MYO16: variants seen among roughly 807,000 people sequenced by gnomAD.
MYO16 encodes unconventional myosin-XVI.
MYO16 carries 94 observed loss-of-function variants against 205.3 expected under a neutral mutation model. The ratio of observed to expected loss-of-function variants is 0.46; its 90% CI spans 0.39 to 0.54. The LOEUF is 0.54. Among genes scored for constraint, MYO16 ranks in the 20% least tolerant of loss-of-function variants. The probability of loss-of-function intolerance (pLI) is 0.00; values close to 1 mark genes in which losing one functional copy is unlikely to be tolerated. For synonymous variants in MYO16, 988 were observed against 954.0 expected (o/e 1.04, Z -0.66); for missense variants, 2,315 against 2,387.5 (o/e 0.97, Z 0.63).
chr13:108,950,232 T>G (rs1473247568), intron 16 of MYO16, among the ~76,000 whole-genome samples: 1 of 149,700 alleles, frequency 6.7e-6, no homozygotes, highest in African/African-American at 2.5e-5. Context: ...GAAGACTTCA[T>G]TAAAAATATC....
At chr13:108,654,266 G>T (rs908829407) in intron 1 of MYO16, among the ~76,000 whole-genome samples, 38 of 152,126 alleles carry the variant, frequency 2.5e-4, no homozygotes, top group African/African-American at 9.2e-4. Context: ...CACATGTTGT[G>T]GGAGGAACCC....
At chr13:108,576,507 T>C in the MYO16 span, among the ~76,000 whole-genome samples, 5 of 152,202 alleles carry the variant, frequency 3.3e-5, no homozygotes, top group African/African-American at 4.8e-5. Flanking sequence ...ATATAAAGCA[T>C]TGTTATTTAT....
intron 34 of MYO16, among the ~76,000 whole-genome samples, chr13:109,198,059 C>T (rs1409770840): frequency 2.0e-5 from 3 of 152,102 alleles, no homozygotes; most frequent in Non-Finnish European, 2.9e-5. Flanking sequence ...TATCACATAG[C>T]TTTTCTTGCA....
At chr13:109,189,947 TC>T in intron 34 of MYO16, among the ~76,000 whole-genome samples, 1 of 152,096 alleles carries the variant, frequency 6.6e-6, no homozygotes. Context: ...CTTTCCCAAT[TC>T]CTCAGATAGA....
Position 108,928,060 on chromosome 13 carries a change from C to T in MYO16, c.1925+17910C>T, listed in dbSNP as rs139184213. Among the ~76,000 whole-genome samples the T allele has an allele frequency of 3.3e-5, 5 of 152,342 alleles. No individual in the cohort carries two copies. In the East Asian group the frequency reaches 9.7e-4, roughly 29 times the overall value. ...CCAGCCTGTCTCCTTCTTTGCTCTGCGTTTCACAGTCACATCTTCCAACAG... is the reference window on the plus strand; with the variant it reads ...CCAGCCTGTCTCCTTCTTTGCTCTGTGTTTCACAGTCACATCTTCCAACAG... On this transcript the variant is annotated intron_variant, in intron 16 of 34. Coordinates refer to ENST00000457511, the MANE Select transcript of MYO16 (RefSeq NM_001198950.3).
intron 4 of MYO16, among the ~76,000 whole-genome samples, chr13:108,765,750 C>G (rs980180519): frequency 6.6e-6 from 1 of 152,120 alleles, no homozygotes. Flanking sequence ...CTTTTTGCAT[C>G]CTACTCACTT....
chr13:108,898,654 T>A (rs1040220831), intron 15 of MYO16, among the ~76,000 whole-genome samples: 1 of 152,050 alleles, frequency 6.6e-6, no homozygotes, highest in Non-Finnish European at 1.5e-5. Flanking sequence ...ACTGAATCCA[T>A]ATAGTTAAAT....
At chr13:108,669,632 C>A (rs1046500004) in intron 2 of MYO16, among the ~76,000 whole-genome samples, 11 of 152,100 alleles carry the variant, frequency 7.2e-5, no homozygotes, top group African/African-American at 4.8e-5. Context: ...CTGTTCATAT[C>A]CCTCACCCAT....
intron 10 of MYO16, 34 bp from the exon 11 acceptor site, chr13:108,855,409 A>T (rs746007823): frequency 2.4e-5 from 32 of 1,346,074 alleles, no homozygotes; most frequent in Non-Finnish European, 3.3e-5. Flanking sequence ...TTGGAAAGCA[A>T]TTAGAATTGA....
At chr13:109,158,664 T>C (rs1343421492) in intron 32 of MYO16, among the ~76,000 whole-genome samples, 1 of 152,198 alleles carries the variant, frequency 6.6e-6, no homozygotes, top group African/African-American at 2.4e-5. Flanking sequence ...GCTCTATGCC[T>C]GAGACCCATT....
At chr13:108,966,641 G>C (rs1388551301) in intron 20 of MYO16, among the ~76,000 whole-genome samples, 1 of 152,122 alleles carries the variant, frequency 6.6e-6, no homozygotes, top group East Asian at 1.9e-4. Context: ...AATTAGAGGT[G>C]AATCAACACA....
chr13:108,900,995 A>T (rs1031509402), intron 15 of MYO16, among the ~76,000 whole-genome samples: 2 of 152,164 alleles, frequency 1.3e-5, no homozygotes, highest in African/African-American at 4.8e-5. Context: ...TTACGGTTGT[A>T]GCAGAGGGAT....
At position 108,924,345 on chromosome 13, in the gene MYO16, C is replaced by T. The variant is rs76510090; in HGVS notation, c.1925+14195C>T. Among the ~76,000 whole-genome samples, 83 of 152,280 alleles carry T rather than the reference C, an allele frequency of 5.5e-4. 1 individual carries two copies. The East Asian group carries it at 0.013, about 24-fold the overall frequency. On this transcript the variant is annotated intron_variant, in intron 16 of 34. Transcript: ENST00000457511. ...GCTGAGCTCCTGCTTTTCTGAGTCACGGGAAAGTCATTAACTGTGCTTCCC... is the reference window on the plus strand; with the variant it reads ...GCTGAGCTCCTGCTTTTCTGAGTCATGGGAAAGTCATTAACTGTGCTTCCC...
intron 2 of MYO16, among the ~76,000 whole-genome samples, chr13:108,698,285 G>T (rs936985225): frequency 1.4e-4 from 22 of 152,168 alleles, no homozygotes; most frequent in African/African-American, 4.6e-4. Flanking sequence ...AGCTAAAGGA[G>T]GTAATGTTCA....
At chr13:108,535,860 G>A in the MYO16 span, among the ~76,000 whole-genome samples, 3 of 152,108 alleles carry the variant, frequency 2.0e-5, no homozygotes, top group Non-Finnish European at 4.4e-5. Context: ...TTTACTTAAT[G>A]TTGATCATTT....
chr13:108,701,807 T>G (rs1883318099), intron 2 of MYO16, among the ~76,000 whole-genome samples: 1 of 152,046 alleles, frequency 6.6e-6, no homozygotes. Context: ...AAGAAAATTA[T>G]GTCTAAATCG....
chr13:108,910,811 G>C (rs4606571), intron 16 of MYO16, among the ~76,000 whole-genome samples: 26,674 of 152,046 alleles, frequency 0.18, 2,692 homozygotes, highest in East Asian at 0.49. Flanking sequence ...GAAGTTGGTG[G>C]GAAAAGAGCA....
intron 2 of MYO16, among the ~76,000 whole-genome samples, chr13:108,708,329 G>A (rs1319902628): frequency 1.3e-5 from 2 of 152,144 alleles, no homozygotes; most frequent in African/African-American, 2.4e-5. Flanking sequence ...ACTATCAACT[G>A]TATGGAAATT....
chr13:109,152,465 C>T (rs1012484011), intron 32 of MYO16, among the ~76,000 whole-genome samples: 2 of 152,138 alleles, frequency 1.3e-5, no homozygotes, highest in East Asian at 1.9e-4. Context: ...AGTAGGGGGT[C>T]GCCACCATTC....
Sources: gnomAD v4.1 joint callset for allele counts (sites outside exome capture counted in the v4.1 genomes callset) on GRCh38, gnomAD v4.1.1 for gene constraint, MANE v1.5 for transcripts, NCBI Gene and HGNC (gene_info 2026-07-23, HGNC 2026-07-21) for gene names.